Variants in CABLES1 observed in about 807,000 individuals in gnomAD.
CABLES1 encodes CDK5 and ABL1 enzyme substrate 1.
CABLES1 carries 36 observed loss-of-function variants against 57.8 expected under a neutral mutation model. The ratio of observed to expected loss-of-function variants is 0.62; its 90% confidence interval spans 0.48 to 0.82. The LOEUF is 0.82. CABLES1 is among the 40% of genes least tolerant of loss of function. The pLI is 0.00. For synonymous variants in CABLES1, 374 were observed against 363.0 expected (o/e 1.03, Z -0.35); for missense variants, 767 against 836.6 (o/e 0.92, Z 1.03).
chr18:23,194,489 A>G lies in CABLES1; in HGVS notation c.959A>G (p.Lys320Arg). Residue 320 changes from lysine (K) to arginine (R), a missense_variant, in exon 3 of 10, where the codon AAG (lysine) becomes AGG (arginine). Lys to Arg is a conservative substitution (Grantham distance 26). This residue lies in a region of CABLES1 where 529 missense variants were observed against 622.8 expected (regional missense o/e 0.85). Coordinates refer to ENST00000256925, the MANE Select transcript of CABLES1 (RefSeq NM_001100619.3). ...GGTTCACCCAGACCAAAGAATTTTAAGAAGATTCATTTTATCAAGAACATG... is the reference window on the plus strand; with the variant it reads ...GGTTCACCCAGACCAAAGAATTTTAGGAAGATTCATTTTATCAAGAACATG... ...LSGSPRPKNF[K>R]KIHFIKNMRQ... is the part of the protein sequence containing the mutation. 1 of 1,613,694 alleles carries G rather than the reference A, an allele frequency of 6.2e-7. No homozygotes were observed. Among genetic ancestry groups the G allele is most frequent in the Non-Finnish European group, 8.5e-7 (1 of 1,179,576 alleles).
chr18:23,212,679 T>C (rs574810597), intron 3 of CABLES1, among the ~76,000 whole-genome samples: 1 of 152,210 alleles, frequency 6.6e-6, no homozygotes. Context: ...GGACTCACCC[T>C]CTAGTAAAGG....
Position 23,238,099 on chromosome 18 carries a change from T to C in CABLES1, c.1446+854T>C, listed in dbSNP as rs537360420. 2.5e-3 allele frequency among the ~76,000 whole-genome samples: 384 copies of C among 152,384 alleles called. 1 individual carries two copies. Among genetic ancestry groups the C allele is most frequent in the Non-Finnish European group, 4.4e-3 (299 of 68,036 alleles). ...CGGCACAGCCGAGCGCTTCCTCCTC[T>C]GGTTCCCTCCCTCCTGTGCTCCCAG... On this transcript the variant is annotated intron_variant, in intron 7 of 9. Transcript: ENST00000256925.
intron 4 of CABLES1, among the ~76,000 whole-genome samples, chr18:23,219,842 A>G (rs1259278741): frequency 6.6e-6 from 1 of 152,240 alleles, no homozygotes; most frequent in Non-Finnish European, 1.5e-5. Context: ...CACACTCCCC[A>G]TCTGTCAATA....
chr18:23,143,450 G>GAT (rs2046870156), intron 1 of CABLES1, among the ~76,000 whole-genome samples: 1 of 152,240 alleles, frequency 6.6e-6, no homozygotes, highest in Non-Finnish European at 1.5e-5. Flanking sequence ...AAATGGGAAT[G>GAT]ATACTACCAC....
chr18:23,178,844 A>G (rs1361240933), intron 1 of CABLES1, among the ~76,000 whole-genome samples: 1 of 152,164 alleles, frequency 6.6e-6, no homozygotes, highest in African/African-American at 2.4e-5. Context: ...CTCTGTAAAC[A>G]TTTAGAGAGT....
At chr18:23,184,978 G>T (rs2047192533) in intron 1 of CABLES1, among the ~76,000 whole-genome samples, 1 of 152,166 alleles carries the variant, frequency 6.6e-6, no homozygotes, top group South Asian at 2.1e-4. Context: ...TGGGGGTTAT[G>T]ATTTCAACAC....
At chr18:23,223,756 C>G (rs918797075) in intron 4 of CABLES1, among the ~76,000 whole-genome samples, 1 of 152,000 alleles carries the variant, frequency 6.6e-6, no homozygotes, top group African/African-American at 2.4e-5. Flanking sequence ...ACAATCTACT[C>G]CTTATTGCCA....
At chr18:23,200,353 A>G (rs762919457) in intron 3 of CABLES1, among the ~76,000 whole-genome samples, 18 of 151,722 alleles carry the variant, frequency 1.2e-4, no homozygotes, top group South Asian at 8.3e-4. Flanking sequence ...TCCGCCTCCT[A>G]GGTTCACACC....
At position 23,177,418 on chromosome 18, in the gene CABLES1, T is replaced by TACACACACACAC. The variant is rs10692529; in HGVS notation, c.846-11395_846-11384dup. On this transcript the variant is annotated intron_variant, in intron 1 of 9. Transcript: ENST00000256925. The stretch of plus-strand genomic sequence containing the variant: ...AAGGTGCTATGTGTGAGCACATGTG[T>TACACACACACAC]ACACACACACACACACACACACACA... Among the ~76,000 whole-genome samples the TACACACACACAC allele has an allele frequency of 9.1e-3, 1,323 of 144,712 alleles. 11 individuals carry two copies. Among genetic ancestry groups the TACACACACACAC allele is most frequent in the East Asian group, 0.027 (130 of 4,764 alleles). The allele number at this position is 144,712 out of a possible 152,430, so 94.9% of individuals were successfully genotyped here. A position where few individuals can be genotyped will look rare whatever the true frequency, so the allele number is the denominator to read the frequency against.
intron 1 of CABLES1, among the ~76,000 whole-genome samples, chr18:23,174,824 A>ATG (rs2047111031): frequency 4.4e-5 from 1 of 22,474 alleles, no homozygotes. Flanking sequence ...GTTACACCAT[A>ATG]TATATATATA....
chr18:23,147,429 C>G (rs1265680626), intron 1 of CABLES1, among the ~76,000 whole-genome samples: 1 of 152,236 alleles, frequency 6.6e-6, no homozygotes, highest in East Asian at 1.9e-4. Flanking sequence ...CAGAATGCAA[C>G]ACTAAACACC....
Position 23,135,886 on chromosome 18 carries a change from G to T in CABLES1, c.124G>T (p.Ala42Ser). 1.9e-6 allele frequency: 2 copies of T among 1,053,580 alleles called. No homozygotes were observed. The highest frequency in any genetic ancestry group is 2.3e-6 in the Non-Finnish European group (2 of 878,148). 65.3% of individuals were successfully genotyped at this position (1,053,580 alleles called of 1,614,324 possible). A position where few individuals can be genotyped will look rare whatever the true frequency, so the allele number is the denominator to read the frequency against. ...PPQPQPQPAA[A>S]APAQPPPEPP... ...GCAGCCCCAGCCTCAGCCCGCGGCC[G>T]CCGCGCCGGCCCAGCCGCCGCCCGA... The change falls in exon 1 of 10, where the codon GCC (alanine) becomes TCC (serine). Residue 42 changes from alanine (A) to serine (S), a missense_variant. By Grantham distance (99) the Ala-to-Ser change is moderately conservative (BLOSUM62 1). Transcript: ENST00000256925.
intron 1 of CABLES1, among the ~76,000 whole-genome samples, chr18:23,168,256 C>T (rs2047057434): frequency 6.6e-6 from 1 of 152,224 alleles, no homozygotes; most frequent in African/African-American, 2.4e-5. Flanking sequence ...ATGACGTATA[C>T]ACCCTTAACG....
intron 4 of CABLES1, among the ~76,000 whole-genome samples, chr18:23,215,858 A>G (rs2047438057): frequency 6.6e-6 from 1 of 150,840 alleles, no homozygotes; most frequent in Non-Finnish European, 1.5e-5. Context: ...GGTTCACGCC[A>G]TTCTCCTGTC....
At chr18:23,140,358 TTGAGCCCAGG>T (rs1459729102) in intron 1 of CABLES1, among the ~76,000 whole-genome samples, 1 of 152,246 alleles carries the variant, frequency 6.6e-6, no homozygotes, top group East Asian at 1.9e-4. Context: ...GGACATGAAG[TTGAGCCCAGG>T]TGAACCACTG....
At chr18:23,202,716 G>T (rs1252983254) in intron 3 of CABLES1, among the ~76,000 whole-genome samples, 1 of 152,204 alleles carries the variant, frequency 6.6e-6, no homozygotes, top group Non-Finnish European at 1.5e-5. Flanking sequence ...CCAGGGCGTG[G>T]TGGCTCACGC....
At chr18:23,254,218 A>G (rs2048109113) in intron 9 of CABLES1, among the ~76,000 whole-genome samples, 1 of 152,214 alleles carries the variant, frequency 6.6e-6, no homozygotes. Context: ...CAGCCATAGA[A>G]GCCACTGTAC....
rs561827674 is a variant in CABLES1, at chr18:23,163,349, A to G, written c.846-25489A>G. On this transcript the variant is annotated intron_variant, in intron 1 of 9. Transcript: ENST00000256925. Reference sequence around the variant, plus strand: ...TGGAAAAACAGGTTTAGGCATCATCAGTATGTAGATGATGTTCAAAGCCAA... The same window carrying G: ...TGGAAAAACAGGTTTAGGCATCATCGGTATGTAGATGATGTTCAAAGCCAA... Among the ~76,000 whole-genome samples, 175 of 152,314 alleles carry G rather than the reference A, an allele frequency of 1.1e-3. 1 individual carries two copies. The highest frequency in any genetic ancestry group is 4.0e-3 in the African/African-American group (166 of 41,566).
intron 3 of CABLES1, among the ~76,000 whole-genome samples, chr18:23,209,894 GTGCA>G (rs2047392663): frequency 2.6e-5 from 4 of 152,276 alleles, no homozygotes; most frequent in Admixed American, 6.5e-5. Context: ...GGCGGTCCTT[GTGCA>G]TCTCCTGGCT....
Sources: gnomAD v4.1 joint callset for allele counts (sites outside exome capture counted in the v4.1 genomes callset) on GRCh38, gnomAD v4.1.1 for gene constraint, gnomAD v4.1.1 regional missense constraint, MANE v1.5 for transcripts, NCBI Gene and HGNC (gene_info 2026-07-23, HGNC 2026-07-21) for gene names.